Variants in B3GALT1 observed in about 807,000 individuals in gnomAD.
The protein encoded by B3GALT1 is UDP-Gal:betaGlcNAc beta 1,3-galactosyltransferase, polypeptide 1.
Under a neutral mutation model 23.2 loss-of-function variants are expected in B3GALT1, and 10 were observed. The observed-to-expected ratio is 0.43, with a 90% CI of 0.27 to 0.73. The LOEUF is 0.73. Ranked by LOEUF, B3GALT1 falls within the 30% of genes least tolerant of loss-of-function variation. The pLI, the probability that B3GALT1 is intolerant of heterozygous loss-of-function variation, is 0.21. For missense variants in B3GALT1, 299 were observed against 405.4 expected, an observed-to-expected ratio of 0.74 and a Z score of 2.25; for synonymous variants, 156 against 141.5, an observed-to-expected ratio of 1.10 and a Z score of -0.73.
At chr2:167,333,818 G>A (rs1221346099) in intron 1 of B3GALT1, among the ~76,000 whole-genome samples, 1 of 152,136 alleles carries the variant, frequency 6.6e-6, no homozygotes, top group African/African-American at 2.4e-5. Context: ...CTATGGTGAA[G>A]TTACTGAGAA....
intron 1 of B3GALT1, among the ~76,000 whole-genome samples, chr2:167,435,979 A>ACG (rs1698779444): frequency 1.9e-5 from 2 of 105,094 alleles, no homozygotes; most frequent in Non-Finnish European, 3.6e-5. Flanking sequence ...ACACACACAC[A>ACG]CACGCACACA....
At chr2:167,837,017 C>A (rs375638875) in intron 4 of B3GALT1, among the ~76,000 whole-genome samples, 1 of 152,056 alleles carries the variant, frequency 6.6e-6, no homozygotes, top group African/African-American at 2.4e-5. Context: ...TAAAAGAGCT[C>A]CTGAAGGAAG....
chr2:167,308,640 T>A (rs1325443629), intron 1 of B3GALT1, among the ~76,000 whole-genome samples: 1 of 151,846 alleles, frequency 6.6e-6, no homozygotes, highest in Non-Finnish European at 1.5e-5. Flanking sequence ...AGGTGAAGAG[T>A]AAGGAGTTGA....
chr2:167,478,325 A>G (rs1490419786), intron 1 of B3GALT1, among the ~76,000 whole-genome samples: 1 of 152,182 alleles, frequency 6.6e-6, no homozygotes, highest in Non-Finnish European at 1.5e-5. Flanking sequence ...GTGAGTTAAT[A>G]AGAGGAAAGA....
chr2:167,539,708 T>C (rs1044343648), intron 2 of B3GALT1, among the ~76,000 whole-genome samples: 2 of 152,156 alleles, frequency 1.3e-5, no homozygotes, highest in African/African-American at 4.8e-5. Context: ...AATAGCCTTC[T>C]TTCTATTTAT....
rs145035587 is a variant in B3GALT1 at position 167,514,882 on chromosome 2, A to T, written c.-410+24605A>T. Among the ~76,000 whole-genome samples the T allele has an allele frequency of 1.6e-3, 238 of 152,268 alleles. 7 individuals carry two copies. The East Asian group carries it at 0.04, about 25-fold the overall frequency. On this transcript the variant is annotated intron_variant, in intron 2 of 4. Transcript: ENST00000392690. ...ATCTGGTTAATAAATATAAACTACT[A>T]TAATTTGTTATGAAGAAAAGGTGAA...
intron 1 of B3GALT1, among the ~76,000 whole-genome samples, chr2:167,468,801 G>T (rs1345283167): frequency 6.6e-6 from 1 of 152,128 alleles, no homozygotes; most frequent in African/African-American, 2.4e-5. Context: ...AACCTGGGAG[G>T]CGGAGGTTGC....
At chr2:167,741,349 TCTA>T (rs1687574309) in intron 3 of B3GALT1, among the ~76,000 whole-genome samples, 1 of 152,164 alleles carries the variant, frequency 6.6e-6, no homozygotes. Flanking sequence ...TCAAAAAACA[TCTA>T]CTAAGTGCTA....
intron 2 of B3GALT1, among the ~76,000 whole-genome samples, chr2:167,638,626 A>G (rs1685600293): frequency 6.6e-6 from 1 of 152,092 alleles, no homozygotes; most frequent in Non-Finnish European, 1.5e-5. Flanking sequence ...TGATATAGGA[A>G]CTGACACTTT....
chr2:167,732,252 C>T (rs1044587580), intron 3 of B3GALT1, among the ~76,000 whole-genome samples: 1 of 152,140 alleles, frequency 6.6e-6, no homozygotes, highest in African/African-American at 2.4e-5. Context: ...GTAAATTGGA[C>T]ATGTGGATAA....
intron 2 of B3GALT1, among the ~76,000 whole-genome samples, chr2:167,639,606 T>C (rs112798362): frequency 1.1e-4 from 1 of 9,080 alleles, no homozygotes; most frequent in Admixed American, 1.9e-3. Flanking sequence ...GAGACTTAGA[T>C]AGACAGAGAT....
chr2:167,867,149 A>G (rs1407921161), intron 4 of B3GALT1, among the ~76,000 whole-genome samples: 2 of 152,060 alleles, frequency 1.3e-5, no homozygotes. Flanking sequence ...GATGGTCTCG[A>G]TCTCCTGACC....
intron 2 of B3GALT1, among the ~76,000 whole-genome samples, chr2:167,547,023 C>T (rs1001380475): frequency 1.3e-5 from 2 of 152,196 alleles, no homozygotes; most frequent in Non-Finnish European, 2.9e-5. Context: ...GCTGGGCACC[C>T]AGGCTGCTGG....
intron 1 of B3GALT1, among the ~76,000 whole-genome samples, chr2:167,324,137 C>T (rs751618988): frequency 2.0e-5 from 3 of 152,178 alleles, no homozygotes; most frequent in Non-Finnish European, 2.9e-5. Flanking sequence ...TGCACTAGCA[C>T]TCTGCTTCAG....
At chr2:167,683,185 T>C (rs2105494561) in intron 3 of B3GALT1, among the ~76,000 whole-genome samples, 1 of 152,326 alleles carries the variant, frequency 6.6e-6, no homozygotes, top group South Asian at 2.1e-4. Context: ...ATATTTATGA[T>C]CATTTGTGAC....
chr2:167,525,708 G>A (rs925572521), intron 2 of B3GALT1, among the ~76,000 whole-genome samples: 1 of 151,434 alleles, frequency 6.6e-6, no homozygotes, highest in African/African-American at 2.4e-5. Flanking sequence ...TCACAGCTCA[G>A]GTGACCCTCC....
chr2:167,548,891 T>G (rs2105379208), intron 2 of B3GALT1, among the ~76,000 whole-genome samples: 1 of 152,338 alleles, frequency 6.6e-6, no homozygotes, highest in East Asian at 1.9e-4. Flanking sequence ...TTAACTAATA[T>G]TTAATCTCTT....
intron 1 of B3GALT1, among the ~76,000 whole-genome samples, chr2:167,371,680 G>A (rs1394834066): frequency 6.6e-6 from 1 of 151,866 alleles, no homozygotes; most frequent in African/African-American, 2.4e-5. Flanking sequence ...TTGTAAATTT[G>A]GAAACTGAAA....
intron 2 of B3GALT1, among the ~76,000 whole-genome samples, chr2:167,618,200 T>A (rs1302823429): frequency 1.3e-5 from 2 of 152,122 alleles, no homozygotes; most frequent in African/African-American, 4.8e-5. Flanking sequence ...CAGTTTCGGA[T>A]TCTTAACAGC....
Sources: gnomAD v4.1 joint callset for allele counts (sites outside exome capture counted in the v4.1 genomes callset) on GRCh38, gnomAD v4.1.1 for gene constraint, MANE v1.5 for transcripts, NCBI Gene and HGNC (gene_info 2026-07-23, HGNC 2026-07-21) for gene names.